The following OPN3 variants were observed in gnomAD, a reference collection of about 807,000 sequenced individuals.
OPN3 encodes opsin-3.
A neutral mutation model predicts 33.8 loss-of-function variants in OPN3; 29 were observed. That is an observed-to-expected ratio of 0.86 (90% CI 0.64 to 1.17). OPN3 has a LOEUF of 1.17. OPN3 is among the 50% of genes most tolerant of loss of function. OPN3 has a pLI of 0.00. For synonymous variants in OPN3, 216 were observed against 216.1 expected (o/e 1.00, Z 0.00); for missense variants, 437 against 514.1 (o/e 0.85, Z 1.45).
Position 241,597,901 on chromosome 1 carries a change from A to AG in OPN3, c.789dup (p.Phe264LeufsTer17), listed in dbSNP as rs1309363648. 6.2e-7 allele frequency: 1 copy of AG among 1,613,920 alleles called. No homozygotes were observed. The highest frequency in any genetic ancestry group is 2.2e-5 in the East Asian group (1 of 44,870). On this transcript the variant is annotated frameshift_variant, in exon 3 of 4. Transcript: ENST00000366554. LOFTEE classifies it high-confidence loss of function. ...ATATAAGGCATCCAACAGACCAGGAAGGTGAATATCATTAAAAAGCACATT... is the reference window on the plus strand; with the variant it reads ...ATATAAGGCATCCAACAGACCAGGAAGGGTGAATATCATTAAAAAGCACATT...
chr1:241,633,868 T>C, intron 1 of OPN3: 1 of 1,613,890 alleles, frequency 6.2e-7, no homozygotes, highest in Non-Finnish European at 8.5e-7. Context: ...TGGCCATTAC[T>C]ACATTATTGG....
chr1:241,640,312 GC>G lies in OPN3; in HGVS notation c.-59del. Reference sequence around the variant, plus strand: ...CGCTCAGCTTGCGGCGGGGCTCGCGGCGCGCTCCGCACTGGGTGGGGTTGGG... The same window carrying G: ...CGCTCAGCTTGCGGCGGGGCTCGCGGGCGCTCCGCACTGGGTGGGGTTGGG... On this transcript the variant is annotated 5_prime_UTR_variant, in exon 1 of 4. It removes the in-frame stop codon of an upstream open reading frame in the 5' UTR. Coordinates refer to ENST00000366554, the MANE Select transcript of OPN3 (RefSeq NM_014322.3). 9.1e-7 allele frequency: 1 copy of G among 1,099,796 alleles called. No homozygotes were observed. The highest frequency in any genetic ancestry group is 1.1e-6 in the Non-Finnish European group (1 of 907,374). 68.1% of individuals were successfully genotyped at this position (1,099,796 alleles called of 1,614,324 possible).
chr1:241,604,182 G>A, intron 2 of OPN3, 78 bp downstream of exon 2: 1 of 1,328,924 alleles, frequency 7.5e-7, no homozygotes, highest in East Asian at 2.3e-5. Flanking sequence ...GACATAGGAA[G>A]ACTTTCATTA....
At chr1:241,600,730 A>G (rs536853026) in intron 2 of OPN3, 1 of 152,132 alleles carries the variant, frequency 6.6e-6, no homozygotes, top group Non-Finnish European at 1.5e-5. Context: ...ATCTCTTCAC[A>G]CTTTCACCCC....
chr1:241,638,504 A>C (rs1345140136), intron 1 of OPN3, among the ~76,000 whole-genome samples: 1 of 152,228 alleles, frequency 6.6e-6, no homozygotes, highest in Admixed American at 6.5e-5. Context: ...AACACTACTG[A>C]TGATACTTTA....
intron 1 of OPN3, among the ~76,000 whole-genome samples, chr1:241,625,266 T>G (rs942213316): frequency 3.3e-5 from 5 of 152,228 alleles, no homozygotes; most frequent in Admixed American, 2.0e-4. Context: ...AGTGCAAATG[T>G]GTGTACAATT....
chr1:241,614,313 G>A (rs1256529695), intron 1 of OPN3: 2 of 146,080 alleles, frequency 1.4e-5, no homozygotes, highest in Non-Finnish European at 1.5e-5. Flanking sequence ...ACTACCAGAA[G>A]AGAACGATTG....
chr1:241,635,863 C>A, intron 1 of OPN3: 2 of 1,261,726 alleles, frequency 1.6e-6, no homozygotes, highest in Admixed American at 2.5e-5. Flanking sequence ...TCCAGTTATC[C>A]CAGAAGCACT....
At chr1:241,607,992 C>G (rs1032885237) in intron 1 of OPN3, among the ~76,000 whole-genome samples, 1 of 151,518 alleles carries the variant, frequency 6.6e-6, no homozygotes, top group African/African-American at 2.4e-5. Flanking sequence ...GATTAGATTC[C>G]TAGAAAAAAA....
Position 241,604,588 on chromosome 1 carries a change from A to T in OPN3, c.374-9T>A, listed in dbSNP as rs373269152. 1.4e-5 allele frequency: 22 copies of T among 1,604,748 alleles called. No homozygotes were observed. The highest frequency in any genetic ancestry group is 1.5e-5 in the Non-Finnish European group (18 of 1,174,246). ...GGCAATGGAAACAATCCCTGCAAGA[A>T]GAGAAAGTGGAAAAGTATAGCATGG... On this transcript the variant is annotated splice_polypyrimidine_tract_variant and intron_variant, in intron 1 of 3. Coordinates refer to ENST00000366554, the MANE Select transcript of OPN3 (RefSeq NM_014322.3).
At position 241,594,645 on chromosome 1, in the gene OPN3, C is replaced by T. The variant is rs180909883; in HGVS notation, c.992G>A (p.Cys331Tyr). 450 of 1,614,066 alleles carry T rather than the reference C, an allele frequency of 2.8e-4. 3 individuals are homozygous for T. In the East Asian group the frequency reaches 9.6e-3, roughly 34 times the overall value. The change falls in exon 4 of 4, where the codon TGC becomes TAC. Residue 331 changes from cysteine (C) to tyrosine (Y), a missense_variant. Coordinates refer to ENST00000366554, the MANE Select transcript of OPN3 (RefSeq NM_014322.3). ...TGGTAGGTCTTTAGCAGGCCTCTGG[C>T]ACCTCAGCAGTCGGAGGCACAGAAG... The part of the protein sequence containing the change: ...LQLLCLRLLR[C>Y]QRPAKDLPAA...
At chr1:241,603,053 C>A (rs1663718487) in intron 2 of OPN3, among the ~76,000 whole-genome samples, 1 of 151,740 alleles carries the variant, frequency 6.6e-6, no homozygotes, top group African/African-American at 2.4e-5. Context: ...TGGTAATATG[C>A]TAAAGGGAAA....
intron 2 of OPN3, among the ~76,000 whole-genome samples, chr1:241,603,170 G>C (rs1663723140): frequency 6.6e-6 from 1 of 152,092 alleles, no homozygotes; most frequent in Admixed American, 6.5e-5. Flanking sequence ...ATACAGAATC[G>C]AGTTGGTCCT....
At chr1:241,597,160 G>A (rs1663549294) in intron 3 of OPN3, among the ~76,000 whole-genome samples, 1 of 152,066 alleles carries the variant, frequency 6.6e-6, no homozygotes, top group Non-Finnish European at 1.5e-5. Context: ...ATTAATTTAG[G>A]CTAGACATTT....
intron 2 of OPN3, chr1:241,601,226 C>T (rs1180657701): frequency 6.6e-6 from 1 of 152,140 alleles, no homozygotes; most frequent in Non-Finnish European, 1.5e-5. Flanking sequence ...CTGCCGGCCA[C>T]ACCCAGGGGC....
chr1:241,617,127 T>C (rs925115528), intron 1 of OPN3, among the ~76,000 whole-genome samples: 1 of 152,152 alleles, frequency 6.6e-6, no homozygotes. Context: ...AGTCTCATCG[T>C]CCCCATTTGA....
Position 241,593,422 on chromosome 1 carries a change from A to C in OPN3, c.*1006T>G, listed in dbSNP as rs1192273829. The C allele has an allele frequency of 2.5e-6, 1 of 393,480 alleles. No homozygotes were observed. The highest frequency in any genetic ancestry group is 3.6e-4 in the Middle Eastern group (1 of 2,740). The allele number at this position is 393,480 out of a possible 1,614,324, so 24.4% of individuals were successfully genotyped here. On this transcript the variant is annotated 3_prime_UTR_variant, in exon 4 of 4. Transcript: ENST00000366554. ...ATTAATTATGAAGATGAAACACTAGAGTCATATAAGAAATAAAAATTGGGC... is the reference window on the plus strand; with the variant it reads ...ATTAATTATGAAGATGAAACACTAGCGTCATATAAGAAATAAAAATTGGGC...
At chr1:241,617,565 G>C (rs1271189143) in intron 1 of OPN3, among the ~76,000 whole-genome samples, 4 of 152,186 alleles carry the variant, frequency 2.6e-5, no homozygotes, top group Non-Finnish European at 4.4e-5. Context: ...TTTTAGAGCG[G>C]GTGATAACAA....
At chr1:241,631,436 G>A (rs1664629339) in intron 1 of OPN3, 1 of 151,778 alleles carries the variant, frequency 6.6e-6, no homozygotes. Context: ...TATTTTATAG[G>A]TCTATTTCAA....
Sources: allele counts gnomAD v4.1 joint callset (sites outside exome capture counted in the v4.1 genomes callset), GRCh38; gene constraint gnomAD v4.1.1; transcripts MANE v1.5; gene names NCBI Gene and HGNC (gene_info 2026-07-23, HGNC 2026-07-21).